ANK3: variants seen among roughly 807,000 people sequenced by gnomAD.
ANK3 encodes ankyrin-3.
A neutral mutation model predicts 370.9 loss-of-function variants in ANK3; 57 were observed. The ratio of observed to expected loss-of-function variants is 0.15; its 90% confidence interval spans 0.12 to 0.19. The LOEUF is 0.19. Among genes scored for constraint, ANK3 ranks in the 10% least tolerant of loss-of-function variants. ANK3 has a pLI of 1.00. For missense variants in ANK3, 4,439 were observed against 5,302.1 expected, an observed-to-expected ratio of 0.84 and a Z score of 5.06; for synonymous variants, 1,929 against 1,946.3, an observed-to-expected ratio of 0.99 and a Z score of 0.23.
chr10:60,552,944 A>G (rs537036045), intron 2 of ANK3, among the ~76,000 whole-genome samples: 2 of 152,302 alleles, frequency 1.3e-5, no homozygotes, highest in Admixed American at 6.5e-5. Flanking sequence ...GCCTGCTGCC[A>G]TCCATGTAAG....
At chr10:60,132,287 T>C (rs2094118902) in intron 25 of ANK3, among the ~76,000 whole-genome samples, 1 of 152,140 alleles carries the variant, frequency 6.6e-6, no homozygotes, top group African/African-American at 2.4e-5. Flanking sequence ...CCAAATCTCA[T>C]CTTGAATTGT....
chr10:60,595,771 A>T (rs2077979878), intron 2 of ANK3, among the ~76,000 whole-genome samples: 3 of 152,204 alleles, frequency 2.0e-5, no homozygotes, highest in Admixed American at 2.0e-4. Context: ...GTTTGCCTGC[A>T]ACCAGGAATG....
chr10:60,153,503 G>A (rs1280036607), intron 23 of ANK3, among the ~76,000 whole-genome samples: 1 of 152,144 alleles, frequency 6.6e-6, no homozygotes, highest in Non-Finnish European at 1.5e-5. Flanking sequence ...ATTTTGCCTT[G>A]GGCGATGGAG....
At chr10:60,296,602 C>T (rs2042574943) in intron 1 of ANK3, among the ~76,000 whole-genome samples, 1 of 152,156 alleles carries the variant, frequency 6.6e-6, no homozygotes, top group Non-Finnish European at 1.5e-5. Flanking sequence ...TGAAGTTTTG[C>T]TTAAAATCTT....
intron 2 of ANK3, among the ~76,000 whole-genome samples, chr10:60,516,364 G>A (rs571301510): frequency 6.6e-6 from 1 of 152,170 alleles, no homozygotes; most frequent in South Asian, 2.1e-4. Context: ...ATCTGTTCTG[G>A]GAAATCTCAT....
chr10:60,527,646 T>C (rs761262061), intron 2 of ANK3, among the ~76,000 whole-genome samples: 63 of 152,194 alleles, frequency 4.1e-4, no homozygotes, highest in Non-Finnish European at 7.9e-4. Context: ...AGAGCATTTA[T>C]TGAGCAGTTG....
At chr10:60,402,848 C>A (rs2063379929) in intron 2 of ANK3, among the ~76,000 whole-genome samples, 1 of 152,240 alleles carries the variant, frequency 6.6e-6, no homozygotes, top group South Asian at 2.1e-4. Flanking sequence ...CCTGCCTGAA[C>A]CATAAGAACT....
At chr10:60,406,867 C>T (rs2063466546) in intron 2 of ANK3, among the ~76,000 whole-genome samples, 4 of 152,130 alleles carry the variant, frequency 2.6e-5, no homozygotes, top group Admixed American at 1.3e-4. Flanking sequence ...CATTACCTTG[C>T]CTTTTCCTCA....
At chr10:60,524,706 A>C (rs2076427871) in intron 2 of ANK3, among the ~76,000 whole-genome samples, 1 of 151,920 alleles carries the variant, frequency 6.6e-6, no homozygotes, top group Non-Finnish European at 1.5e-5. Flanking sequence ...GACTAATACA[A>C]CCACAAAAGC....
intron 2 of ANK3, among the ~76,000 whole-genome samples, chr10:60,414,270 C>G (rs1676192730): frequency 1.3e-5 from 2 of 152,180 alleles, no homozygotes; most frequent in African/African-American, 4.8e-5. Context: ...AGCAAGTCCA[C>G]TAACCCACTT....
At chr10:60,318,827 C>T (rs1387267488) in intron 1 of ANK3, among the ~76,000 whole-genome samples, 1 of 152,134 alleles carries the variant, frequency 6.6e-6, no homozygotes, top group Admixed American at 6.6e-5. Context: ...TGATAGGATA[C>T]TTAAATAACT....
intron 2 of ANK3, among the ~76,000 whole-genome samples, chr10:60,395,741 C>T (rs1484461797): frequency 6.6e-6 from 1 of 152,040 alleles, no homozygotes; most frequent in Non-Finnish European, 1.5e-5. Context: ...TGGACGTGTT[C>T]CCTCACCCTG....
At chr10:60,053,412 T>C (rs1333260923) in intron 42 of ANK3, among the ~76,000 whole-genome samples, 2 of 152,176 alleles carry the variant, frequency 1.3e-5, no homozygotes, top group East Asian at 3.9e-4. Context: ...GATTATAGCA[T>C]AATCCTACAA....
At chr10:60,346,198 G>T (rs1217117020) in intron 1 of ANK3, among the ~76,000 whole-genome samples, 1 of 151,884 alleles carries the variant, frequency 6.6e-6, no homozygotes, top group African/African-American at 2.4e-5. Flanking sequence ...TTTGAAGCAG[G>T]AAATTCTAAG....
At chr10:60,305,544 G>T (rs184031007) in intron 1 of ANK3, among the ~76,000 whole-genome samples, 1 of 152,184 alleles carries the variant, frequency 6.6e-6, no homozygotes, top group Non-Finnish European at 1.5e-5. Context: ...ACAGCAGTTG[G>T]TTATCGTCTT....
At chr10:60,475,862 A>G (rs1203309634) in intron 2 of ANK3, among the ~76,000 whole-genome samples, 1 of 152,206 alleles carries the variant, frequency 6.6e-6, no homozygotes, top group Non-Finnish European at 1.5e-5. Flanking sequence ...CAGCCAAGAT[A>G]CACCAAAGAC....
At chr10:60,301,091 GA>G (rs1230619722) in intron 1 of ANK3, among the ~76,000 whole-genome samples, 5 of 145,666 alleles carry the variant, frequency 3.4e-5, no homozygotes, top group African/African-American at 1.0e-4. Flanking sequence ...CCGGGTGGGA[GA>G]AAAAAACCAA....
intron 8 of ANK3, among the ~76,000 whole-genome samples, chr10:60,228,717 A>T (rs1565839316): frequency 6.6e-6 from 1 of 152,124 alleles, no homozygotes; most frequent in Non-Finnish European, 1.5e-5. Context: ...GCTATAGGGT[A>T]ATTTTGTGTC....
chr10:60,247,053 T>C (rs551932085), intron 7 of ANK3, among the ~76,000 whole-genome samples: 8 of 152,186 alleles, frequency 5.3e-5, no homozygotes, highest in Non-Finnish European at 1.2e-4. Context: ...TCTCGCTCTA[T>C]TGCCCAAGCT....
Sources: allele counts gnomAD v4.1 joint callset (sites outside exome capture counted in the v4.1 genomes callset), GRCh38; gene constraint gnomAD v4.1.1; transcripts MANE v1.5; gene names NCBI Gene and HGNC (gene_info 2026-07-23, HGNC 2026-07-21).